The following ELOVL1 variants were observed in gnomAD, a reference collection of about 807,000 sequenced individuals.
ELOVL1 encodes ELOVL fatty acid elongase 1.
ELOVL1 carries 10 observed loss-of-function variants against 37.8 expected under a neutral mutation model. The observed-to-expected ratio is 0.26, with a 90% CI of 0.16 to 0.45. ELOVL1 has a LOEUF of 0.45. Ranked by LOEUF, ELOVL1 falls within the 20% of genes least tolerant of loss-of-function variation. The pLI is 1.00. For missense variants in ELOVL1, 256 were observed against 352.7 expected, an observed-to-expected ratio of 0.73 and a Z score of 2.20; for synonymous variants, 133 against 123.8, an observed-to-expected ratio of 1.07 and a Z score of -0.49.
rs771564260 is a variant in ELOVL1, at chr1:43,364,659, G to A, written c.376-12C>T. 4 of 1,614,008 alleles carry A rather than the reference G, an allele frequency of 2.5e-6. No individual in the cohort carries two copies. The highest frequency in any genetic ancestry group is 3.4e-6 in the Non-Finnish European group (4 of 1,180,004). ...AGAATAAAGATCACCTGAGAGAAGAGTGAGGGAAGGGGATTCAGAACCTGG... is the reference window on the plus strand; with the variant it reads ...AGAATAAAGATCACCTGAGAGAAGAATGAGGGAAGGGGATTCAGAACCTGG... On this transcript the variant is annotated splice_polypyrimidine_tract_variant and intron_variant, in intron 5 of 7. Transcript: ENST00000372458. The surrounding 1 kb of genome is among the most constrained non-coding windows in gnomAD (Gnocchi z 5.2).
At position 43,365,241 on chromosome 1, in the gene ELOVL1, A is replaced by C; in HGVS notation, c.182T>G (p.Phe61Cys). 1 of 1,614,196 alleles carries C rather than the reference A, an allele frequency of 6.2e-7. No individual in the cohort carries two copies. Among genetic ancestry groups the C allele is most frequent in the Non-Finnish European group, 8.5e-7 (1 of 1,180,042 alleles). Reference protein sequence around the residue: ...ANRKPFQLRGFMIVYNFSLVA... With the variant: ...ANRKPFQLRGCMIVYNFSLVA... ...CAGTGAGAAGTTGTAGACAATCATG[A>C]AGCCACGGAGCTGGAAGGGCTTCCG... Residue 61 changes from phenylalanine (F) to cysteine (C), a missense_variant, in exon 3 of 8, where the codon TTC becomes TGC. This residue lies in a region of ELOVL1 where 158 missense variants were observed against 189.4 expected (regional missense o/e 0.83). Coordinates refer to ENST00000372458, the MANE Select transcript of ELOVL1 (RefSeq NM_022821.4).
chr1:43,365,523 C>A, intron 2 of ELOVL1, 41 bp downstream of exon 2: 1 of 1,613,896 alleles, frequency 6.2e-7, no homozygotes, highest in Non-Finnish European at 8.5e-7. Context: ...CCAGGGATCC[C>A]GGGAAAGAAG....
intron 2 of ELOVL1, 26 bp downstream of exon 2, chr1:43,365,538 G>A: frequency 6.2e-7 from 1 of 1,614,098 alleles, no homozygotes. Flanking sequence ...AAGAAGGAAG[G>A]AAAGGGCTGG....
At chr1:43,366,844 G>C (rs1267425494) in intron 1 of ELOVL1, among the ~76,000 whole-genome samples, 1 of 152,008 alleles carries the variant, frequency 6.6e-6, no homozygotes. Flanking sequence ...AAGGAATGTC[G>C]GGGGAAGGCT....
rs1041235140 is a variant in ELOVL1 at position 43,363,754 on chromosome 1, T to C, written c.*162A>G. On this transcript the variant is annotated 3_prime_UTR_variant, in exon 8 of 8. Transcript: ENST00000372458. ...GGAAGTGGGTGAGGAACCAAAGCCG[T>C]GGTCCCTGTAGAGCAGCTGTGGGGA... 4.6e-6 allele frequency: 3 copies of C among 652,594 alleles called. No individual in the cohort carries two copies. In the South Asian group the frequency reaches 5.7e-5, roughly 12 times the overall value. 40.4% of individuals were successfully genotyped at this position (652,594 alleles called of 1,614,324 possible).
chr1:43,366,812 G>C (rs938679475), intron 1 of ELOVL1, among the ~76,000 whole-genome samples: 1 of 151,986 alleles, frequency 6.6e-6, no homozygotes, highest in African/African-American at 2.4e-5. Flanking sequence ...GTTGGGCTAG[G>C]CCCCCTCCCC....
chr1:43,365,858 T>C (rs1217759151), intron 1 of ELOVL1, among the ~76,000 whole-genome samples: 1 of 151,840 alleles, frequency 6.6e-6, no homozygotes, highest in African/African-American at 2.4e-5. Flanking sequence ...CTCCACACCT[T>C]ACTCTCCTCT....
rs1390045755 is a variant in ELOVL1, at chr1:43,363,434, G to A, written c.*482C>T. On this transcript the variant is annotated 3_prime_UTR_variant, in exon 8 of 8. Coordinates refer to ENST00000372458, the MANE Select transcript of ELOVL1 (RefSeq NM_022821.4). ...TCTGTCACTTTTAATTAAGACACAAGTTGAGTAAGCAGCCTCCACAGGCTG... is the reference window on the plus strand; with the variant it reads ...TCTGTCACTTTTAATTAAGACACAAATTGAGTAAGCAGCCTCCACAGGCTG... 1 of 438,286 alleles carries A rather than the reference G, an allele frequency of 2.3e-6. No individual in the cohort carries two copies. The highest frequency in any genetic ancestry group is 2.0e-5 in the African/African-American group (1 of 49,190). The allele number at this position is 438,286 out of a possible 1,614,324, so 27.1% of individuals were successfully genotyped here. A position where few individuals can be genotyped will look rare whatever the true frequency, so the allele number is the denominator to read the frequency against.
chr1:43,365,032 C>T, intron 3 of ELOVL1, 24 bp from the exon 4 acceptor site: 2 of 1,607,310 alleles, frequency 1.2e-6, no homozygotes, highest in South Asian at 1.1e-5. Context: ...TGGATTAGAC[C>T]ACCAGAGTTC....
chr1:43,364,246 A>G lies in ELOVL1; in HGVS notation c.618+78T>C. Reference sequence around the variant, plus strand: ...GTAGGGAGAGATGGGGTCAAAGGTGAGACAGACTGGATAAAGGCAGGATCC... The same window carrying G: ...GTAGGGAGAGATGGGGTCAAAGGTGGGACAGACTGGATAAAGGCAGGATCC... On this transcript the variant is annotated intron_variant, in intron 7 of 7. Coordinates refer to ENST00000372458, the MANE Select transcript of ELOVL1 (RefSeq NM_022821.4). The surrounding 1 kb of genome is among the most constrained non-coding windows in gnomAD (Gnocchi z 5.2). 6.2e-7 allele frequency: 1 copy of G among 1,611,616 alleles called. No homozygotes were observed. The highest frequency in any genetic ancestry group is 1.1e-5 in the South Asian group (1 of 90,768).
In ELOVL1 at chr1:43,364,018, C is replaced by T; in HGVS notation, c.738G>A (p.Leu246=). The T allele has an allele frequency of 6.2e-7, 1 of 1,614,146 alleles. No individual in the cohort carries two copies. The highest frequency in any genetic ancestry group is 8.5e-7 in the Non-Finnish European group (1 of 1,180,042). ...AAGAGTGATACCAGAAGTTGGAGAA[C>T]AGCATGAAGAAGATGGTGCCATACA... The part of the protein sequence containing the change: ...IWMYGTIFFM[L]FSNFWYHSYT... Residue 246 remains leucine (L), a synonymous_variant, in exon 8 of 8, where the codon CTG becomes CTA. Coordinates refer to ENST00000372458, the MANE Select transcript of ELOVL1 (RefSeq NM_022821.4). This position sits in a 1 kb window ranked among gnomAD's most constrained non-coding sequence, Gnocchi z 5.2.
chr1:43,363,888 A>C lies in ELOVL1; in HGVS notation c.*28T>G, dbSNP rs752230959. ...CCTAAGGTGCAGTCCTGAGGCACTT[A>C]GGTGGGCGCCTATCTAGGCCATGCT... On this transcript the variant is annotated 3_prime_UTR_variant, in exon 8 of 8. Coordinates refer to ENST00000372458, the MANE Select transcript of ELOVL1 (RefSeq NM_022821.4). The C allele has an allele frequency of 6.2e-6, 10 of 1,606,604 alleles. No homozygotes were observed. In the East Asian group the frequency reaches 2.2e-4, roughly 36 times the overall value.
intron 1 of ELOVL1, chr1:43,367,299 G>A (rs1018322119): frequency 6.6e-6 from 1 of 152,488 alleles, no homozygotes; most frequent in Non-Finnish European, 1.5e-5. Flanking sequence ...TCACACACGT[G>A]TGCGCGCTGC....
chr1:43,365,497 G>T, intron 2 of ELOVL1, 67 bp downstream of exon 2: 6 of 1,612,944 alleles, frequency 3.7e-6, no homozygotes, highest in Non-Finnish European at 5.1e-6. Context: ...CTCTCCATTA[G>T]AAGACAGCCG....
rs1647187011 is a variant in ELOVL1, at chr1:43,363,712, C to T, written c.*204G>A. On this transcript the variant is annotated 3_prime_UTR_variant, in exon 8 of 8. Coordinates refer to ENST00000372458, the MANE Select transcript of ELOVL1 (RefSeq NM_022821.4). ...GTGGCAGACAGCAATGAGGCCACAT[C>T]CCTGGAGCTGCCCGGGGGAAGTGGG... 7 of 590,940 alleles carry T rather than the reference C, an allele frequency of 1.2e-5. No homozygotes were observed. Among genetic ancestry groups the T allele is most frequent in the African/African-American group, 1.9e-5 (1 of 53,674 alleles). 36.6% of individuals were successfully genotyped at this position (590,940 alleles called of 1,614,324 possible).
intron 1 of ELOVL1, 91 bp from the exon 2 acceptor site, chr1:43,365,714 C>A: frequency 3.9e-6 from 5 of 1,277,960 alleles, no homozygotes; most frequent in Non-Finnish European, 5.7e-6. Flanking sequence ...AAGACACCTG[C>A]AATGCCTCAT....
At position 43,364,036 on chromosome 1, in the gene ELOVL1, G is replaced by A. The variant is rs147713711; in HGVS notation, c.720C>T (p.Gly240=). The A allele has an allele frequency of 6.2e-7, 1 of 1,614,220 alleles. No individual in the cohort carries two copies. The highest frequency in any genetic ancestry group is 1.1e-5 in the South Asian group (1 of 91,086). Residue 240 remains glycine (G), a synonymous_variant, in exon 8 of 8, where the codon GGC becomes GGT. Transcript: ENST00000372458. The surrounding 1 kb of genome is among the most constrained non-coding windows in gnomAD (Gnocchi z 5.2). ...TGGAGAACAGCATGAAGAAGATGGTGCCATACATCCAGATGAGGTGAATAA... is the reference window on the plus strand; with the variant it reads ...TGGAGAACAGCATGAAGAAGATGGTACCATACATCCAGATGAGGTGAATAA... The part of the protein sequence containing the change: ...PVIIHLIWMY[G]TIFFMLFSNF...
In ELOVL1 at chr1:43,363,564, T is replaced by C. The variant is rs1004402910; in HGVS notation, c.*352A>G. On this transcript the variant is annotated 3_prime_UTR_variant, in exon 8 of 8. Transcript: ENST00000372458. ...GTCCACAGTGACATTATTGCTGACC[T>C]CTTCTGTGTGAGGAAAAAGGCCACG... 11 of 382,926 alleles carry C rather than the reference T, an allele frequency of 2.9e-5. No homozygotes were observed. The highest frequency in any genetic ancestry group is 1.8e-4 in the African/African-American group (9 of 48,784). 23.7% of individuals were successfully genotyped at this position (382,926 alleles called of 1,614,324 possible). A position where few individuals can be genotyped will look rare whatever the true frequency, so the allele number is the denominator to read the frequency against.
At chr1:43,365,484 G>C (rs1647217429) in intron 2 of ELOVL1, 80 bp downstream of exon 2, 2 of 1,611,590 alleles carry the variant, frequency 1.2e-6, no homozygotes, top group Non-Finnish European at 8.5e-7. Flanking sequence ...GGTTTCATAG[G>C]AACTCTCCAT....
Sources: gnomAD v4.1 joint callset for allele counts (sites outside exome capture counted in the v4.1 genomes callset) on GRCh38, gnomAD v4.1.1 for gene constraint, gnomAD v4.1.1 regional missense constraint, Gnocchi (gnomAD v3.1) non-coding constraint, MANE v1.5 for transcripts, NCBI Gene and HGNC (gene_info 2026-07-23, HGNC 2026-07-21) for gene names.